The following COL4A5 variants were observed in gnomAD, a reference collection of about 807,000 sequenced individuals.
COL4A5 encodes collagen alpha-5(IV) chain.
COL4A5 carries 26 observed loss-of-function variants against 130.2 expected under a neutral mutation model. The ratio of observed to expected loss-of-function variants is 0.20; its 90% CI spans 0.15 to 0.28. COL4A5 has a LOEUF of 0.28. Among genes scored for constraint, COL4A5 ranks in the 10% least tolerant of loss-of-function variants. The pLI, the probability that COL4A5 is intolerant of heterozygous loss-of-function variation, is 1.00. For synonymous variants in COL4A5, 496 were observed against 439.6 expected, an observed-to-expected ratio of 1.13 and a Z score of -1.60; for missense variants, 1,131 against 1,344.3, an observed-to-expected ratio of 0.84 and a Z score of 2.48.
At chrX:108,494,187 C>A (rs1402039086) in intron 1 of COL4A5, among the ~76,000 whole-genome samples, 1 of 111,414 alleles carries the variant, frequency 9.0e-6, no homozygotes, top group Admixed American at 9.6e-5. Context: ...CCAAACAGAT[C>A]TAGCATTATT....
intron 30 of COL4A5, among the ~76,000 whole-genome samples, chrX:108,617,718 G>T (rs1377473055): frequency 9.0e-6 from 1 of 111,683 alleles, no homozygotes; most frequent in African/African-American, 3.2e-5. Context: ...TTTTTTTAGA[G>T]ATCAGTTAAA....
chrX:108,465,810 G>A (rs2064700234), intron 1 of COL4A5, among the ~76,000 whole-genome samples: 1 of 111,470 alleles, frequency 9.0e-6, no homozygotes, highest in Admixed American at 9.5e-5. Flanking sequence ...TTATCAAGGT[G>A]AAATTTACAT....
At chrX:108,519,222 A>T (rs1248997977) in intron 1 of COL4A5, among the ~76,000 whole-genome samples, 2 of 111,204 alleles carry the variant, frequency 1.8e-5, no homozygotes, top group East Asian at 5.6e-4. Context: ...CCACAAAAAC[A>T]AAATAGGGGT....
rs1472455347 is a variant in COL4A5, at chrX:108,517,418, T to C, written c.82-22328T>C. Among the ~76,000 whole-genome samples the C allele has an allele frequency of 3.6e-5, 4 of 112,136 alleles. No homozygotes were observed. In the Admixed American group the frequency reaches 3.8e-4, roughly 11 times the overall value. On this transcript the variant is annotated intron_variant, in intron 1 of 52. Transcript: ENST00000328300. ...AAATGATTCCTTGAGTTGATTTCAC[T>C]TTAAGATTATTTTAATCCATTACTC... is the stretch of plus-strand genomic sequence containing the variant.
At chrX:108,648,424 T>C (rs1169518094) in intron 36 of COL4A5, among the ~76,000 whole-genome samples, 1 of 109,394 alleles carries the variant, frequency 9.1e-6, no homozygotes, top group Non-Finnish European at 1.9e-5. Flanking sequence ...ATCAGCCTAA[T>C]ACCGAGACCA....
chrX:108,566,619 G>C (rs1482969673), intron 4 of COL4A5, among the ~76,000 whole-genome samples: 1 of 109,849 alleles, frequency 9.1e-6, no homozygotes, highest in Non-Finnish European at 1.9e-5. Flanking sequence ...CGCGATCTTG[G>C]CTCACTGCAA....
chrX:108,696,422 A>G lies in COL4A5; in HGVS notation c.*44A>G, dbSNP rs768015387. 3 of 1,034,689 alleles carry G rather than the reference A, an allele frequency of 2.9e-6. No homozygotes were observed. In the Admixed American group the frequency reaches 6.9e-5, roughly 24 times the overall value. 85.3% of individuals were successfully genotyped at this position (1,034,689 alleles called of 1,213,427 possible). A position where few individuals can be genotyped will look rare whatever the true frequency, so the allele number is the denominator to read the frequency against. On this transcript the variant is annotated 3_prime_UTR_variant, in exon 53 of 53. Coordinates refer to ENST00000328300, the MANE Select transcript of COL4A5 (RefSeq NM_033380.3). ...TTGTGTTTTAAAATGTGATATATAT[A>G]TATATAAAATTCCTAGGATGCAGTG...
chrX:108,455,740 C>CT (rs1170332814), intron 1 of COL4A5, among the ~76,000 whole-genome samples: 2 of 109,629 alleles, frequency 1.8e-5, no homozygotes, highest in East Asian at 2.8e-4. Context: ...AGAAAAATTC[C>CT]TTTTTTTTTC....
At chrX:108,501,808 T>C (rs16985506) in intron 1 of COL4A5, among the ~76,000 whole-genome samples, 10,326 of 111,801 alleles carry the variant, frequency 0.092, 1,085 homozygotes, top group African/African-American at 0.3. Flanking sequence ...TTTGAAAATG[T>C]ATGGAAAGCA....
rs188819534 is a variant in COL4A5, at chrX:108,684,412, A to G, written c.4217-1619A>G. The stretch of plus-strand genomic sequence containing the variant: ...TCAAATAGACACAATAAAAAATGAT[A>G]AAGGGGATATCACCACCGATCCCAC... On this transcript the variant is annotated intron_variant, in intron 47 of 52. Transcript: ENST00000328300. 9.9e-4 allele frequency among the ~76,000 whole-genome samples: 111 copies of G among 111,761 alleles called. 4 individuals are homozygous for G. The East Asian group carries it at 0.03, about 30-fold the overall frequency.
In COL4A5 at chrX:108,479,850, C is replaced by T. The variant is rs959077729; in HGVS notation, c.81+39644C>T. Among the ~76,000 whole-genome samples, 90 of 111,639 alleles carry T rather than the reference C, an allele frequency of 8.1e-4. 2 individuals are homozygous for T. The highest frequency in any genetic ancestry group is 2.1e-4 in the Non-Finnish European group (11 of 53,143). On this transcript the variant is annotated intron_variant, in intron 1 of 52. Coordinates refer to ENST00000328300, the MANE Select transcript of COL4A5 (RefSeq NM_033380.3). ...GACCCATAGTCAAATGTTCAGTTTC[C>T]GCCAAAGCCCAGTAACAGGCCAAGA...
At chrX:108,443,636 G>A (rs2064423847) in intron 1 of COL4A5, among the ~76,000 whole-genome samples, 1 of 111,736 alleles carries the variant, frequency 8.9e-6, no homozygotes, top group African/African-American at 3.3e-5. Flanking sequence ...GTAAGAGTTT[G>A]TATTTTTTCA....
intron 1 of COL4A5, among the ~76,000 whole-genome samples, chrX:108,532,087 C>T (rs190758898): frequency 6.2e-4 from 69 of 111,407 alleles, no homozygotes; most frequent in African/African-American, 2.1e-3. Context: ...ATTCATTCCT[C>T]GAGGACAGCA....
Position 108,680,731 on chromosome X carries a change from C to T in COL4A5, c.3995C>T (p.Pro1332Leu). 8.3e-7 allele frequency: 1 copy of T among 1,210,462 alleles called. No individual in the cohort carries two copies. The highest frequency in any genetic ancestry group is 3.0e-5 in the East Asian group (1 of 33,817). Residue 1332 changes from proline (P) to leucine (L), a missense_variant, in exon 45 of 53, where the codon CCT becomes CTT. Transcript: ENST00000328300. ...GGAATGAAAGGAGATCCTGGTCTCCCTGGTGTTCCAGGATTCCCAGGTATT... is the reference window on the plus strand; with the variant it reads ...GGAATGAAAGGAGATCCTGGTCTCCTTGGTGTTCCAGGATTCCCAGGTATT... ...LNGMKGDPGL[P>L]GVPGFPGMKG... is the part of the protein sequence containing the mutation.
At chrX:108,569,038 A>C in intron 6 of COL4A5, 1 of 375,613 alleles carries the variant, frequency 2.7e-6, no homozygotes, top group South Asian at 6.3e-5. Context: ...TGGGTTAAAG[A>C]TTACTTACCA....
chrX:108,600,970 C>T (rs1250595696), intron 25 of COL4A5, among the ~76,000 whole-genome samples: 1 of 111,329 alleles, frequency 9.0e-6, no homozygotes, highest in Admixed American at 9.5e-5. Context: ...TTGTTGTATC[C>T]GGTCCCTCAG....
intron 1 of COL4A5, among the ~76,000 whole-genome samples, chrX:108,518,529 A>G (rs1363937292): frequency 9.0e-6 from 1 of 111,215 alleles, no homozygotes; most frequent in Non-Finnish European, 1.9e-5. Context: ...AAACTCTGGC[A>G]TACTTCAAAG....
At chrX:108,516,646 G>C (rs2065224019) in intron 1 of COL4A5, among the ~76,000 whole-genome samples, 1 of 111,639 alleles carries the variant, frequency 9.0e-6, no homozygotes, top group Non-Finnish European at 1.9e-5. Context: ...TTACAGTAAG[G>C]CTATATCTGT....
At chrX:108,591,686 C>G in intron 21 of COL4A5, 42 bp downstream of exon 21, 2 of 1,054,153 alleles carry the variant, frequency 1.9e-6, no homozygotes, top group Non-Finnish European at 2.7e-6. Context: ...TTTCTTCATT[C>G]TTTCAAATCA....
Sources: allele counts gnomAD v4.1 joint callset (sites outside exome capture counted in the v4.1 genomes callset), GRCh38; gene constraint gnomAD v4.1.1; transcripts MANE v1.5; gene names NCBI Gene and HGNC (gene_info 2026-07-23, HGNC 2026-07-21).